Variants in IL34 observed in about 807,000 individuals in gnomAD.
IL34 encodes the protein interleukin 34, also known as interleukin-34.
In IL34, 17 loss-of-function variants were observed where a neutral mutation model predicts 25.3. That is an observed-to-expected ratio of 0.67 (90% CI 0.46 to 1.01). IL34 has a LOEUF of 1.01. Ranked by LOEUF, IL34 falls within the 50% of genes least tolerant of loss-of-function variation. The probability of loss-of-function intolerance (pLI) is 0.00; values close to 1 mark genes in which losing one functional copy is unlikely to be tolerated. For missense variants in IL34, 368 were observed against 312.9 expected, an observed-to-expected ratio of 1.18 and a Z score of -1.33; for synonymous variants, 174 against 140.9, an observed-to-expected ratio of 1.23 and a Z score of -1.66.
chr16:70,633,835 G>A (rs1306475738), intron 1 of IL34, among the ~76,000 whole-genome samples: 1 of 151,910 alleles, frequency 6.6e-6, no homozygotes, highest in Non-Finnish European at 1.5e-5. Context: ...ATCATCACGT[G>A]GTCTTCTCCC....
At chr16:70,616,066 G>C (rs1009692380) in intron 1 of IL34, among the ~76,000 whole-genome samples, 1 of 152,190 alleles carries the variant, frequency 6.6e-6, no homozygotes, top group South Asian at 2.1e-4. Context: ...TCAGTGTCTT[G>C]CTTGTTTTAC....
At chr16:70,603,310 G>A (rs955050613) in intron 1 of IL34, among the ~76,000 whole-genome samples, 3 of 151,726 alleles carry the variant, frequency 2.0e-5, no homozygotes, top group African/African-American at 7.3e-5. Flanking sequence ...ATGGAGTTTC[G>A]CTCTTGTTGC....
intron 1 of IL34, among the ~76,000 whole-genome samples, chr16:70,596,652 T>C (rs1293690471): frequency 6.6e-6 from 1 of 152,214 alleles, no homozygotes; most frequent in Non-Finnish European, 1.5e-5. Context: ...CCAAAAATAT[T>C]TGTGCCCAGT....
chr16:70,622,448 G>GA (rs2051302437), intron 1 of IL34, among the ~76,000 whole-genome samples: 1 of 137,414 alleles, frequency 7.3e-6, no homozygotes, highest in Non-Finnish European at 1.6e-5. Flanking sequence ...TTCCACGATG[G>GA]AAAGGAAATG....
intron 1 of IL34, among the ~76,000 whole-genome samples, chr16:70,649,793 ATTTTAT>A (rs10526861): frequency 3.7e-4 from 55 of 149,950 alleles, no homozygotes; most frequent in Non-Finnish European, 6.5e-4. Context: ...TTGTTTTATT[ATTTTAT>A]TTTTATTTTT....
In IL34 at chr16:70,615,761, G is replaced by A. The variant is rs1014063678; in HGVS notation, c.-400-30787G>A. Among the ~76,000 whole-genome samples the A allele has an allele frequency of 1.3e-5, 2 of 152,084 alleles. 1 individual carries two copies. Among genetic ancestry groups the A allele is most frequent in the African/African-American group, 4.8e-5 (2 of 41,410 alleles). ...GAGCTTAGGAGTTTGAAACCAGCCT[G>A]GGCAACACAGTGAAATCCCATCTCT... is the stretch of plus-strand genomic sequence containing the variant. On this transcript the variant is annotated intron_variant, in intron 1 of 6. Transcript: ENST00000429149.
upstream of IL34, among the ~76,000 whole-genome samples, chr16:70,644,021 C>A (rs997360646): frequency 6.6e-6 from 1 of 152,230 alleles, no homozygotes. Context: ...GTTGCCCCGA[C>A]TGGAGGGCAG....
intron 4 of IL34, among the ~76,000 whole-genome samples, chr16:70,659,224 A>G (rs1208860815): frequency 6.6e-6 from 1 of 152,170 alleles, no homozygotes; most frequent in Non-Finnish European, 1.5e-5. Flanking sequence ...TGTCTCTGTG[A>G]GGACCTTCTC....
chr16:70,623,166 C>T (rs1357270259), intron 1 of IL34, among the ~76,000 whole-genome samples: 2 of 152,016 alleles, frequency 1.3e-5, no homozygotes, highest in African/African-American at 4.8e-5. Flanking sequence ...CGCCTTGCAG[C>T]AGTACAGCCC....
At chr16:70,648,506 C>T (rs773354164) in intron 1 of IL34, among the ~76,000 whole-genome samples, 35 of 136,860 alleles carry the variant, frequency 2.6e-4, no homozygotes, top group Non-Finnish European at 4.7e-4. Context: ...TAGCAAGGAT[C>T]GCATCACTGC....
intron 1 of IL34, among the ~76,000 whole-genome samples, chr16:70,588,175 A>T (rs1397697740): frequency 1.3e-5 from 2 of 152,000 alleles, no homozygotes; most frequent in Non-Finnish European, 2.9e-5. Flanking sequence ...AAACTAGTTT[A>T]GTGGTTCCTG....
intron 1 of IL34, among the ~76,000 whole-genome samples, chr16:70,598,054 C>T (rs1304384479): frequency 6.6e-6 from 1 of 152,166 alleles, no homozygotes; most frequent in Non-Finnish European, 1.5e-5. Context: ...CCATGTTGGC[C>T]AGGCTGATCT....
intron 1 of IL34, among the ~76,000 whole-genome samples, chr16:70,616,554 C>T (rs887640056): frequency 2.6e-5 from 4 of 152,040 alleles, no homozygotes; most frequent in African/African-American, 9.7e-5. Flanking sequence ...GTTTATTTCA[C>T]CTGGGTGCAG....
intron 1 of IL34, among the ~76,000 whole-genome samples, chr16:70,636,585 T>TCTCACACACACACACA (rs1232745844): frequency 7.3e-6 from 1 of 136,384 alleles, no homozygotes; most frequent in African/African-American, 2.8e-5. Context: ...GCAAACCCTG[T>TCTCACACACACACACA]CACACACACA....
At position 70,656,648 on chromosome 16, in the gene IL34, G is replaced by A; in HGVS notation, c.209G>A (p.Gly70Glu). 1 of 1,471,720 alleles carries A rather than the reference G, an allele frequency of 6.8e-7. No individual in the cohort carries two copies. Among genetic ancestry groups the A allele is most frequent in the Non-Finnish European group, 9.5e-7 (1 of 1,049,898 alleles). The allele number at this position is 1,471,720 out of a possible 1,614,324, so 91.2% of individuals were successfully genotyped here. A position where few individuals can be genotyped will look rare whatever the true frequency, so the allele number is the denominator to read the frequency against. Residue 70 changes from glycine (G) to glutamate (E), a missense_variant, in exon 3 of 6, where the codon GGG becomes GAG. By Grantham distance (98) the Gly-to-Glu change is moderately conservative. Coordinates refer to ENST00000288098, the MANE Select transcript of IL34 (RefSeq NM_001393494.1). ...INYKISVPYE[G>E]VFRIANVTRL... Reference sequence around the variant, plus strand: ...TACAAGATCAGTGTGCCTTACGAGGGGGTGTTCAGAATCGCCAACGTCACC... The same window carrying A: ...TACAAGATCAGTGTGCCTTACGAGGAGGTGTTCAGAATCGCCAACGTCACC...
chr16:70,657,900 T>C (rs759892425), intron 4 of IL34, among the ~76,000 whole-genome samples: 3 of 152,146 alleles, frequency 2.0e-5, no homozygotes, highest in Admixed American at 6.6e-5. Context: ...AATTATGGAC[T>C]TTAGTTAATT....
At chr16:70,586,801 T>C (rs776778432) in intron 1 of IL34, among the ~76,000 whole-genome samples, 2 of 152,118 alleles carry the variant, frequency 1.3e-5, no homozygotes, top group Non-Finnish European at 2.9e-5. Flanking sequence ...GAAATCGAGG[T>C]ACAGGGAAGT....
At chr16:70,647,668 G>C (rs1288180761) in intron 1 of IL34, among the ~76,000 whole-genome samples, 2 of 152,204 alleles carry the variant, frequency 1.3e-5, no homozygotes, top group African/African-American at 2.4e-5. Context: ...ATGACAACAA[G>C]GACCTTGCTG....
In IL34 at chr16:70,586,431, C is replaced by T. The variant is rs115762181; in HGVS notation, c.-401+6382C>T. On this transcript the variant is annotated intron_variant, in intron 1 of 6. Coordinates refer to the IL34 transcript ENST00000429149. ...AAAAGATAACTGGTGGTGTGTGTGCCTGTAGTTCCAGCTACTTGGGAGGCT... is the reference window on the plus strand; with the variant it reads ...AAAAGATAACTGGTGGTGTGTGTGCTTGTAGTTCCAGCTACTTGGGAGGCT... 2.8e-3 allele frequency among the ~76,000 whole-genome samples: 421 copies of T among 152,242 alleles called. 1 individual carries two copies. Among genetic ancestry groups the T allele is most frequent in the African/African-American group, 9.8e-3 (405 of 41,534 alleles).
Sources: allele counts gnomAD v4.1 joint callset (sites outside exome capture counted in the v4.1 genomes callset), GRCh38; gene constraint gnomAD v4.1.1; transcripts MANE v1.5; gene names NCBI Gene and HGNC (gene_info 2026-07-23, HGNC 2026-07-21).